BLTP3B: variants seen among roughly 807,000 people sequenced by gnomAD.
BLTP3B encodes the protein UHRF1 (ICBP90) binding protein 1-like.
At chr12:100,070,829 C>T in the BLTP3B span, among the ~76,000 whole-genome samples, 1 of 151,668 alleles carries the variant, frequency 6.6e-6, no homozygotes, top group African/African-American at 2.4e-5. Context: ...AGAAACCTCA[C>T]CTCTACTAAA....
the BLTP3B span, chr12:100,084,378 TCACACACACACA>T: frequency 0.031 from 20,906 of 664,044 alleles, 325 homozygotes; most frequent in African/African-American, 0.08. Flanking sequence ...AATACTATGA[TCACACACACACA>T]CACACACACA....
the BLTP3B span, among the ~76,000 whole-genome samples, chr12:100,047,103 C>G: frequency 6.6e-6 from 1 of 152,146 alleles, no homozygotes; most frequent in South Asian, 2.1e-4. Flanking sequence ...CAATCTTCCA[C>G]TACTACATAT....
At chr12:100,092,554 G>A in the BLTP3B span, among the ~76,000 whole-genome samples, 1 of 152,122 alleles carries the variant, frequency 6.6e-6, no homozygotes, top group Non-Finnish European at 1.5e-5. Flanking sequence ...GCAAAAACCT[G>A]TAAGAAAATA....
chr12:100,108,320 C>A, the BLTP3B span: 3 of 1,523,540 alleles, frequency 2.0e-6, no homozygotes, highest in Non-Finnish European at 1.8e-6. Flanking sequence ...AAGCTAGAGC[C>A]AAAATATAGA....
the BLTP3B span, among the ~76,000 whole-genome samples, chr12:100,112,858 CAAAAAAAA>C: frequency 2.3e-4 from 14 of 60,600 alleles, no homozygotes; most frequent in Admixed American, 7.2e-4. Flanking sequence ...GACTCCATCT[CAAAAAAAA>C]AAAAAAAAAA....
At chr12:100,122,409 C>T in the BLTP3B span, among the ~76,000 whole-genome samples, 1 of 152,088 alleles carries the variant, frequency 6.6e-6, no homozygotes, top group Non-Finnish European at 1.5e-5. Flanking sequence ...CAAACCTGTA[C>T]AATTTTAGTT....
At chr12:100,039,937 C>A in the BLTP3B span, 1 of 581,788 alleles carries the variant, frequency 1.7e-6, no homozygotes, top group Non-Finnish European at 2.6e-6. Context: ...CCAGTAAAAC[C>A]AAAAGCTTAT....
the BLTP3B span, among the ~76,000 whole-genome samples, chr12:100,112,769 A>T: frequency 0.016 from 2,443 of 151,388 alleles, 21 homozygotes; most frequent in Non-Finnish European, 0.021. Flanking sequence ...CTGAGGCAGG[A>T]GAATTGCCTG....
chr12:100,051,134 G>A, the BLTP3B span: 1 of 1,614,122 alleles, frequency 6.2e-7, no homozygotes, highest in Non-Finnish European at 8.5e-7. Flanking sequence ...GGCATCTGGA[G>A]AAGTTTCACC....
At chr12:100,064,494 TC>T in the BLTP3B span, among the ~76,000 whole-genome samples, 1 of 152,160 alleles carries the variant, frequency 6.6e-6, no homozygotes, top group Non-Finnish European at 1.5e-5. Flanking sequence ...CATCAGGTTA[TC>T]TAAAGTTAAG....
At chr12:100,066,495 G>T in the BLTP3B span, among the ~76,000 whole-genome samples, 4 of 151,964 alleles carry the variant, frequency 2.6e-5, no homozygotes, top group African/African-American at 9.7e-5. Context: ...AGAAACAATG[G>T]ATTTAAACTA....
At chr12:100,079,936 C>G in the BLTP3B span, among the ~76,000 whole-genome samples, 1 of 152,222 alleles carries the variant, frequency 6.6e-6, no homozygotes, top group Non-Finnish European at 1.5e-5. Context: ...CAAGCCCCAA[C>G]CCTGGCAGCT....
chr12:100,076,583 G>C, the BLTP3B span, among the ~76,000 whole-genome samples: 1 of 151,970 alleles, frequency 6.6e-6, no homozygotes, highest in African/African-American at 2.4e-5. Flanking sequence ...TACTAGGGAG[G>C]GGGTTTTGCT....
At chr12:100,084,979 T>C in the BLTP3B span, among the ~76,000 whole-genome samples, 1 of 152,142 alleles carries the variant, frequency 6.6e-6, no homozygotes, top group South Asian at 2.1e-4. Flanking sequence ...TGCATTAAAC[T>C]GAATCCCAGA....
At chr12:100,094,150 A>C in the BLTP3B span, among the ~76,000 whole-genome samples, 2 of 152,070 alleles carry the variant, frequency 1.3e-5, no homozygotes, top group African/African-American at 4.8e-5. Context: ...AACAGATCTC[A>C]CTCTGTTACG....
the BLTP3B span, among the ~76,000 whole-genome samples, chr12:100,066,134 C>G: frequency 4.1e-4 from 62 of 152,238 alleles, no homozygotes; most frequent in East Asian, 3.1e-3. Context: ...TCAAGAGACT[C>G]ACCTAACAAA....
At chr12:100,131,145 T>C in the BLTP3B span, among the ~76,000 whole-genome samples, 1 of 151,674 alleles carries the variant, frequency 6.6e-6, no homozygotes, top group African/African-American at 2.4e-5. Flanking sequence ...ATCCCATCTC[T>C]ACCAAAAATA....
chr12:100,058,955 A>T, the BLTP3B span: 1 of 1,614,126 alleles, frequency 6.2e-7, no homozygotes, highest in South Asian at 1.1e-5. Context: ...CAGACTCTGT[A>T]CTATAATACT....
At chr12:100,057,911 A>G in the BLTP3B span, 3 of 1,318,502 alleles carry the variant, frequency 2.3e-6, no homozygotes, top group Admixed American at 5.6e-5. Flanking sequence ...ACTCTTCTAC[A>G]TGTTAACAAT....
Sources: allele counts gnomAD v4.1 joint callset (sites outside exome capture counted in the v4.1 genomes callset), GRCh38; gene constraint gnomAD v4.1.1; transcripts MANE v1.5; gene names NCBI Gene and HGNC (gene_info 2026-07-23, HGNC 2026-07-21).